Variants in TAF8 observed in about 807,000 individuals in gnomAD.
TAF8 encodes the protein transcription initiation factor TFIID subunit 8.
TAF8 carries 47 observed loss-of-function variants against 36.5 expected under a neutral mutation model. The ratio of observed to expected loss-of-function variants is 1.29; its 90% CI spans 1.02 to 1.64. The LOEUF (loss-of-function observed/expected upper bound fraction) is 1.64, where lower values mean the gene tolerates loss of function less well. TAF8 is among the 40% of genes most tolerant of loss of function. The pLI is 0.00. For synonymous variants in TAF8, 175 were observed against 159.5 expected (o/e 1.10, Z -0.73); for missense variants, 420 against 407.6 (o/e 1.03, Z -0.26).
At chr6:42,055,913 A>G (rs1365479906) in intron 3 of TAF8, 39 bp from the exon 4 acceptor site, 1 of 1,338,888 alleles carries the variant, frequency 7.5e-7, no homozygotes. Flanking sequence ...TTCAATATCC[A>G]GTGGTCTGGG....
At chr6:42,051,262 T>A (rs1156524754) in intron 1 of TAF8, 95 bp from the exon 2 acceptor site, 5 of 1,376,194 alleles carry the variant, frequency 3.6e-6, no homozygotes, top group Non-Finnish European at 4.9e-6. Context: ...AAAATAAAAT[T>A]ATTTAGTAAA....
chr6:42,072,229 C>T (rs963020966), intron 7 of TAF8, among the ~76,000 whole-genome samples: 1 of 152,222 alleles, frequency 6.6e-6, no homozygotes, highest in African/African-American at 2.4e-5. Context: ...GCTATCTAAC[C>T]ATATGCCCTT....
In TAF8 at chr6:42,055,958, A is replaced by G. The variant is rs760094311; in HGVS notation, c.308A>G (p.Asn103Ser). 5.6e-6 allele frequency: 9 copies of G among 1,611,648 alleles called. No homozygotes were observed. The highest frequency in any genetic ancestry group is 1.6e-4 in the Middle Eastern group (1 of 6,082). The change falls in exon 4 of 9, where the codon AAT (asparagine) becomes AGT (serine). Residue 103 changes from asparagine to serine, a missense_variant. By Grantham distance (46) the Asn-to-Ser change is conservative (BLOSUM62 1). Transcript: ENST00000372977. ...TTGTTTTCCTGTCTCTTAGGTTTCA[A>G]TGTGGACACTCTCCCTGCTTATGCA... ...IVVTLVEMGFNVDTLPAYAKR... is the reference protein window; with the variant it reads ...IVVTLVEMGFSVDTLPAYAKR...
chr6:42,077,020 C>T, intron 7 of TAF8, 80 bp from the exon 8 acceptor site: 1 of 1,494,570 alleles, frequency 6.7e-7, no homozygotes, highest in Non-Finnish European at 9.1e-7. Flanking sequence ...TTAGAGGATG[C>T]TAATGGTCAT....
intron 5 of TAF8, among the ~76,000 whole-genome samples, chr6:42,062,529 C>T (rs77584967): frequency 2.8e-4 from 22 of 78,708 alleles, no homozygotes; most frequent in South Asian, 9.6e-4. Flanking sequence ...TTAAGACAAT[C>T]TTTTTTTTTT....
intron 2 of TAF8, among the ~76,000 whole-genome samples, chr6:42,053,937 G>A (rs1288539381): frequency 6.6e-6 from 1 of 152,166 alleles, no homozygotes; most frequent in Non-Finnish European, 1.5e-5. Flanking sequence ...CAGTATAGCA[G>A]GGGGGTTGGT....
intron 7 of TAF8, among the ~76,000 whole-genome samples, chr6:42,070,166 C>T (rs972668754): frequency 2.6e-5 from 4 of 151,984 alleles, no homozygotes; most frequent in South Asian, 4.2e-4. Context: ...CCACTAGCCA[C>T]GTGTAGGTAT....
At chr6:42,083,443 C>T (rs1012361634), downstream of TAF8, among the ~76,000 whole-genome samples, 3 of 152,210 alleles carry the variant, frequency 2.0e-5, no homozygotes, top group African/African-American at 7.2e-5. Context: ...TGTTGCCCAG[C>T]CCTCAGAATG....
intron 7 of TAF8, 88 bp downstream of exon 7, chr6:42,068,695 C>A (rs1187393485): frequency 6.5e-7 from 1 of 1,527,550 alleles, no homozygotes; most frequent in South Asian, 1.2e-5. Flanking sequence ...TGGACATGAT[C>A]GACCTCAGGT....
rs1341430106 is a variant in TAF8 at position 42,055,572 on chromosome 6, C to T, written c.244C>T (p.His82Tyr). 6.8e-6 allele frequency: 11 copies of T among 1,614,052 alleles called. No individual in the cohort carries two copies. Among genetic ancestry groups the T allele is most frequent in the Non-Finnish European group, 9.3e-6 (11 of 1,180,024 alleles). ...GAGAAGTGCCAAGTCTTACTGTGAG[C>T]ACACAGCCAGGACCCAGCCCACACT... ...IGRSAKSYCE[H>Y]TARTQPTLSD... The change falls in exon 3 of 9, where the codon CAC becomes TAC. Residue 82 changes from histidine to tyrosine, a missense_variant. By Grantham distance (83) the His-to-Tyr change is moderately conservative (BLOSUM62 2). Transcript: ENST00000372977.
intron 5 of TAF8, among the ~76,000 whole-genome samples, chr6:42,061,620 C>T (rs1765192240): frequency 6.6e-6 from 1 of 152,170 alleles, no homozygotes; most frequent in African/African-American, 2.4e-5. Flanking sequence ...TTACTGATAA[C>T]ATACACTAAG....
In TAF8 at chr6:42,079,540, G is replaced by GTAT; in HGVS notation, c.*1997_*1999dup. On this transcript the variant is annotated 3_prime_UTR_variant, in exon 9 of 9. Coordinates refer to ENST00000372977, the MANE Select transcript of TAF8 (RefSeq NM_138572.3). ...TCCTAACGTCCATATTTAGCTTCATGTATTCCCCTTTGGCTTCCACAGTTC... is the reference window on the plus strand; with the variant it reads ...TCCTAACGTCCATATTTAGCTTCATGTATTATTCCCCTTTGGCTTCCACAGTTC... The GTAT allele has an allele frequency of 1.0e-6, 1 of 985,204 alleles. No homozygotes were observed. The highest frequency in any genetic ancestry group is 1.2e-6 in the Non-Finnish European group (1 of 829,898). 61.0% of individuals were successfully genotyped at this position (985,204 alleles called of 1,614,324 possible).
chr6:42,050,965 A>G, intron 1 of TAF8: 1 of 1,100,420 alleles, frequency 9.1e-7, no homozygotes, highest in East Asian at 5.8e-5. Context: ...ACCTCTTGTT[A>G]CTGTTTTCAT....
chr6:42,053,017 C>G (rs937561686), intron 2 of TAF8, among the ~76,000 whole-genome samples: 2 of 152,164 alleles, frequency 1.3e-5, no homozygotes, highest in Admixed American at 1.3e-4. Flanking sequence ...CTTTTAAATA[C>G]CAAATGTTTT....
intron 6 of TAF8, 110 bp from the exon 7 acceptor site, chr6:42,068,355 T>C: frequency 8.4e-7 from 1 of 1,188,268 alleles, no homozygotes; most frequent in Non-Finnish European, 1.2e-6. Context: ...GCGAGTTAGC[T>C]AGTATTATCT....
At position 42,077,763 on chromosome 6, in the gene TAF8, T is replaced by A. The variant is rs1765804368; in HGVS notation, c.*218T>A. 7.1e-7 allele frequency: 1 copy of A among 1,408,378 alleles called. No homozygotes were observed. The highest frequency in any genetic ancestry group is 1.5e-5 in the South Asian group (1 of 64,874). 87.2% of individuals were successfully genotyped at this position (1,408,378 alleles called of 1,614,324 possible). On this transcript the variant is annotated 3_prime_UTR_variant, in exon 9 of 9. Coordinates refer to ENST00000372977, the MANE Select transcript of TAF8 (RefSeq NM_138572.3). ...TATGAACAGAATAATGAGAATTTTT[T>A]TTTTTATTTTGAGATGGAGTCTTAC...
intron 7 of TAF8, among the ~76,000 whole-genome samples, chr6:42,076,144 T>C (rs561534067): frequency 1.7e-3 from 255 of 151,346 alleles, no homozygotes; most frequent in African/African-American, 6.0e-3. Context: ...GAGGCGGAGC[T>C]TGCAGTGAGC....
intron 7 of TAF8, among the ~76,000 whole-genome samples, chr6:42,071,813 C>T (rs66489927): frequency 0.3 from 45,423 of 151,872 alleles, 8,385 homozygotes; most frequent in Admixed American, 0.41. Flanking sequence ...TGTAAACAAA[C>T]GTCATCATAC....
At chr6:42,083,991 C>T (rs181912346), downstream of TAF8, among the ~76,000 whole-genome samples, 2,051 of 151,958 alleles carry the variant, frequency 0.013, 26 homozygotes, top group Non-Finnish European at 0.019. Flanking sequence ...ACCATCCTGG[C>T]TAACACAGTG....
Sources: allele counts gnomAD v4.1 joint callset (sites outside exome capture counted in the v4.1 genomes callset), GRCh38; gene constraint gnomAD v4.1.1; transcripts MANE v1.5; gene names NCBI Gene and HGNC (gene_info 2026-07-23, HGNC 2026-07-21).